Variants in ATP13A2 observed in about 807,000 individuals in gnomAD.
ATP13A2 encodes the protein polyamine-transporting ATPase 13A2.
ATP13A2 carries 83 observed loss-of-function variants against 138.3 expected under a neutral mutation model. The observed-to-expected ratio is 0.60, with a 90% confidence interval of 0.50 to 0.72. ATP13A2 has a LOEUF of 0.72. ATP13A2 is among the 30% of genes least tolerant of loss of function. ATP13A2 has a pLI of 0.00. For synonymous variants in ATP13A2, 663 were observed against 699.0 expected (o/e 0.95, Z 0.81); for missense variants, 1,402 against 1,606.4 (o/e 0.87, Z 2.17).
intron 1 of ATP13A2, among the ~76,000 whole-genome samples, chr1:17,008,408 T>G (rs2077645930): frequency 6.6e-6 from 1 of 152,234 alleles, no homozygotes; most frequent in Non-Finnish European, 1.5e-5. Flanking sequence ...CCTTTGCCTC[T>G]CTGGGCTTCC....
At chr1:16,989,550 T>C in intron 23 of ATP13A2, 141 bp downstream of exon 23, 1 of 795,376 alleles carries the variant, frequency 1.3e-6, no homozygotes, top group South Asian at 1.4e-5. Context: ...TGGGAGAGCC[T>C]GCCTGCTTTT....
intron 1 of ATP13A2, among the ~76,000 whole-genome samples, chr1:17,009,382 T>G (rs1337816964): frequency 7.2e-6 from 1 of 139,148 alleles, no homozygotes; most frequent in African/African-American, 2.7e-5. Flanking sequence ...GGCTTGAGCC[T>G]CTTCCTTTTT....
rs372995036 is a variant in ATP13A2, at chr1:16,986,246, G to T, written c.3518C>A (p.Pro1173Gln). 1 of 1,609,526 alleles carries T rather than the reference G, an allele frequency of 6.2e-7. No homozygotes were observed. The highest frequency in any genetic ancestry group is 1.7e-4 in the Middle Eastern group (1 of 5,952). The change falls in exon 29 of 29, where the codon CCG becomes CAG. Residue 1173 changes from proline to glutamine, a missense_variant. By Grantham distance (76) the Pro-to-Gln change is moderately conservative. Coordinates refer to ENST00000326735, the MANE Select transcript of ATP13A2 (RefSeq NM_022089.4). The surrounding 1 kb of genome is among the most constrained non-coding windows in gnomAD (Gnocchi z 6.9). ...ERELAEQPWP[P>Q]LPAGPLR is the part of the protein sequence containing the mutation. The stretch of plus-strand genomic sequence containing the variant: ...CTACCTCAGGGGGCCGGCGGGCAGC[G>T]GCGGCCAGGGCTGCTCGGCCAGCTC...
At chr1:17,008,957 CAAA>C (rs59927720) in intron 1 of ATP13A2, among the ~76,000 whole-genome samples, 2 of 111,656 alleles carry the variant, frequency 1.8e-5, no homozygotes, top group Non-Finnish European at 3.8e-5. Flanking sequence ...GAGCAAGACT[CAAA>C]AAAAAAAAAA....
intron 20 of ATP13A2, among the ~76,000 whole-genome samples, chr1:16,991,464 A>C (rs2076924996): frequency 1.3e-5 from 2 of 152,162 alleles, no homozygotes. Flanking sequence ...CAGAGGTGCC[A>C]CCTGGAACCC....
At chr1:17,008,725 C>T (rs771930970) in intron 1 of ATP13A2, among the ~76,000 whole-genome samples, 14 of 151,910 alleles carry the variant, frequency 9.2e-5, no homozygotes, top group African/African-American at 2.7e-4. Context: ...CCAAGGGGGG[C>T]GGATCACGAG....
intron 17 of ATP13A2, 27 bp downstream of exon 17, chr1:16,992,459 G>A (rs764310626): frequency 3.7e-6 from 6 of 1,613,756 alleles, no homozygotes; most frequent in Non-Finnish European, 2.5e-6. Context: ...CCTCTGCCCT[G>A]CACCCAACAG....
rs1249327220 is a variant in ATP13A2 at position 16,986,918 on chromosome 1, TTGTC to T, written c.3118_3121del (p.Asp1040ThrfsTer48). 6.2e-7 allele frequency: 1 copy of T among 1,613,748 alleles called. No individual in the cohort carries two copies. On this transcript the variant is annotated frameshift_variant, in exon 27 of 29. Coordinates refer to ENST00000326735, the MANE Select transcript of ATP13A2 (RefSeq NM_022089.4). LOFTEE classifies it high-confidence loss of function. The surrounding 1 kb of genome is among the most constrained non-coding windows in gnomAD (Gnocchi z 6.9). ...CACGGTGTTCTCGTAGTTGGGCAGG[TTGTC>T]TGGTGCGGCCACTGTCCTGTTCAGA...
intron 19 of ATP13A2, 22 bp downstream of exon 19, chr1:16,991,987 G>C (rs779089903): frequency 5.6e-6 from 9 of 1,610,822 alleles, no homozygotes; most frequent in Middle Eastern, 1.7e-4. Context: ...CTCAGAGTGG[G>C]TGGGACAGGA....
chr1:17,001,358 G>A (rs2077350250), intron 8 of ATP13A2, among the ~76,000 whole-genome samples: 1 of 151,614 alleles, frequency 6.6e-6, no homozygotes, highest in African/African-American at 2.4e-5. Context: ...AACCCAGGAG[G>A]TGGACATCGC....
intron 6 of ATP13A2, among the ~76,000 whole-genome samples, chr1:17,002,856 C>T (rs1026273989): frequency 1.3e-5 from 2 of 152,200 alleles, no homozygotes; most frequent in Non-Finnish European, 2.9e-5. Context: ...TTATCCCCAT[C>T]ATGCAGCAGA....
chr1:16,987,134 C>T lies in ATP13A2; in HGVS notation c.2995G>A (p.Val999Met), dbSNP rs764162255. The T allele has an allele frequency of 3.5e-5, 57 of 1,612,906 alleles. No individual in the cohort carries two copies. The Admixed American group carries it at 4.2e-4, about 12-fold the overall frequency. ...RVRPPGALLS[V>M]PVLSSLLLQM... is the part of the protein sequence containing the mutation. ...AGCAGCAGGCTGCTGAGCACGGGCA[C>T]GCTGAGCAGCGCCCCCGGTGGCCGC... is the stretch of plus-strand genomic sequence containing the variant. Residue 999 changes from valine to methionine, a missense_variant, in exon 26 of 29, where the codon GTG becomes ATG. Coordinates refer to ENST00000326735, the MANE Select transcript of ATP13A2 (RefSeq NM_022089.4).
intron 25 of ATP13A2, among the ~76,000 whole-genome samples, chr1:16,987,676 A>C (rs2076786082): frequency 6.6e-6 from 1 of 152,190 alleles, no homozygotes. Flanking sequence ...GCCGCCCTGC[A>C]GTGTCACCTC....
Position 17,002,335 on chromosome 1 carries a change from C to T in ATP13A2, c.596G>A (p.Arg199His), listed in dbSNP as rs764344537. Residue 199 changes from arginine to histidine, a missense_variant, in exon 7 of 29, where the codon CGC (arginine) becomes CAC (histidine). Transcript: ENST00000326735. ...DHGRSCDDVH[R>H]SRHGLSLQDQ... ...CTGGAGGCTGAGGCCATGGCGGGAG[C>T]GGTGGACGTCGTCACAAGAGCGGCC... 1.2e-5 allele frequency: 20 copies of T among 1,613,238 alleles called. No homozygotes were observed. The highest frequency in any genetic ancestry group is 6.6e-5 in the South Asian group (6 of 90,930).
intron 1 of ATP13A2, 148 bp from the exon 2 acceptor site, chr1:17,005,926 G>C: frequency 2.9e-6 from 2 of 682,688 alleles, no homozygotes; most frequent in Non-Finnish European, 4.9e-6. Flanking sequence ...CCTGAGGTTA[G>C]AAGTTCGAGA....
rs890003199 is a variant in ATP13A2, at chr1:17,005,614, G to C, written c.106-58C>G. 8.1e-6 allele frequency: 13 copies of C among 1,613,520 alleles called. No homozygotes were observed. In the African/African-American group the frequency reaches 1.7e-4, roughly 22 times the overall value. ...GGTGGGAACGGGGCTGGAGTAGGAA[G>C]TTGGGGTGTCTGGGTGGGCCTGGGC... On this transcript the variant is annotated intron_variant, in intron 2 of 28. Coordinates refer to ENST00000326735, the MANE Select transcript of ATP13A2 (RefSeq NM_022089.4).
intron 1 of ATP13A2, among the ~76,000 whole-genome samples, chr1:17,010,111 C>T (rs1280930613): frequency 6.7e-6 from 1 of 148,720 alleles, no homozygotes; most frequent in Non-Finnish European, 1.5e-5. Context: ...TTCCCCCCTG[C>T]CCGTCTCCCA....
At chr1:16,991,879 G>A (rs1438461586) in intron 19 of ATP13A2, 21 bp from the exon 20 acceptor site, 2 of 1,614,026 alleles carry the variant, frequency 1.2e-6, no homozygotes, top group South Asian at 2.2e-5. Context: ...GGCAGACCTG[G>A]ATCAGAGGTC....
chr1:17,000,349 G>A, intron 9 of ATP13A2, 37 bp from the exon 10 acceptor site: 1 of 1,587,332 alleles, frequency 6.3e-7, no homozygotes, highest in Non-Finnish European at 8.6e-7. Context: ...GAGTGGGTGG[G>A]GGCCCCTGGG....
Sources: gnomAD v4.1 joint callset for allele counts (sites outside exome capture counted in the v4.1 genomes callset) on GRCh38, gnomAD v4.1.1 for gene constraint, Gnocchi (gnomAD v3.1) non-coding constraint, MANE v1.5 for transcripts, NCBI Gene and HGNC (gene_info 2026-07-23, HGNC 2026-07-21) for gene names.